Variants in SGCD observed in about 807,000 individuals in gnomAD.
SGCD encodes the protein sarcoglycan delta, also known as delta-sarcoglycan.
In SGCD, 18 loss-of-function variants were observed where a neutral mutation model predicts 36.6. That is an observed-to-expected ratio of 0.49 (90% CI 0.34 to 0.73). The LOEUF (loss-of-function observed/expected upper bound fraction) is 0.73. Among genes scored for constraint, SGCD ranks in the 30% least tolerant of loss-of-function variants. SGCD has a pLI of 0.01. For synonymous variants in SGCD, 133 were observed against 130.6 expected (o/e 1.02, Z -0.12); for missense variants, 387 against 346.7 (o/e 1.12, Z -0.92).
At chr5:155,995,190 G>T (rs766625724) in intron 1 of SGCD, among the ~76,000 whole-genome samples, 9 of 152,136 alleles carry the variant, frequency 5.9e-5, no homozygotes, top group Non-Finnish European at 7.3e-5. Context: ...CATAAAAAAG[G>T]ACTTAAAAAT....
In SGCD at chr5:156,396,779, C is replaced by A. The variant is rs77140150; in HGVS notation, c.192+52102C>A. Among the ~76,000 whole-genome samples, 863 of 152,288 alleles carry A rather than the reference C, an allele frequency of 5.7e-3. 10 individuals are homozygous for A. Among genetic ancestry groups the A allele is most frequent in the African/African-American group, 0.019 (802 of 41,552 alleles). On this transcript the variant is annotated intron_variant, in intron 3 of 8. Transcript: ENST00000337851. ...TATGGCAGGCCTGCTAAATGCTGAC[C>A]ATGCACTGTTTCACTGAACCTTCAC...
At chr5:156,237,207 C>T (rs1765188584) in intron 3 of SGCD, among the ~76,000 whole-genome samples, 1 of 152,150 alleles carries the variant, frequency 6.6e-6, no homozygotes, top group African/African-American at 2.4e-5. Flanking sequence ...AAAAGTAGCA[C>T]TTGAATTGTC....
At chr5:155,837,853 C>T in the SGCD span, among the ~76,000 whole-genome samples, 3 of 152,308 alleles carry the variant, frequency 2.0e-5, no homozygotes, top group South Asian at 4.1e-4. Context: ...TGCCTTTTAA[C>T]GAGCTTTCAT....
intron 3 of SGCD, among the ~76,000 whole-genome samples, chr5:156,306,830 G>T (rs958265864): frequency 2.0e-5 from 3 of 152,042 alleles, no homozygotes; most frequent in African/African-American, 7.2e-5. Flanking sequence ...ATCTTGCTCT[G>T]TCTCCTTTCC....
rs558749420 is a variant in SGCD at position 156,068,935 on chromosome 5, C to G, written c.-281-48943C>G. Among the ~76,000 whole-genome samples the G allele has an allele frequency of 4.6e-5, 7 of 152,164 alleles. No homozygotes were observed. The South Asian group carries it at 6.2e-4, about 14-fold the overall frequency. On this transcript the variant is annotated intron_variant, in intron 1 of 9. Transcript: ENST00000517913. ...GTAAATGTCTTCTTTTGAGGAGTGTCTGTTCATGTCCTTTGCCCACTTTTT... is the reference window on the plus strand; with the variant it reads ...GTAAATGTCTTCTTTTGAGGAGTGTGTGTTCATGTCCTTTGCCCACTTTTT...
chr5:156,628,148 C>G (rs577434469), intron 6 of SGCD, among the ~76,000 whole-genome samples: 56 of 152,178 alleles, frequency 3.7e-4, no homozygotes, highest in African/African-American at 1.3e-3. Context: ...GTGCCACACA[C>G]TTTTAAATGA....
At chr5:156,556,131 A>AC (rs1258647395) in intron 4 of SGCD, among the ~76,000 whole-genome samples, 1 of 151,776 alleles carries the variant, frequency 6.6e-6, no homozygotes, top group Non-Finnish European at 1.5e-5. Flanking sequence ...AAAAAAAAAA[A>AC]AAAACCCAGG....
chr5:156,510,412 T>C (rs1756879901), intron 4 of SGCD, among the ~76,000 whole-genome samples: 2 of 152,180 alleles, frequency 1.3e-5, no homozygotes, highest in Non-Finnish European at 2.9e-5. Context: ...TTGCTCTTAA[T>C]TTATATCTTG....
chr5:156,229,255 TAC>T (rs1764934835), intron 3 of SGCD, among the ~76,000 whole-genome samples: 2 of 97,792 alleles, frequency 2.0e-5, no homozygotes, highest in African/African-American at 8.0e-5. Context: ...TATATATACA[TAC>T]ATACATATAT....
At chr5:155,788,916 C>A in the SGCD span, among the ~76,000 whole-genome samples, 267 of 152,144 alleles carry the variant, frequency 1.8e-3, 1 homozygote, top group East Asian at 9.5e-3. Flanking sequence ...AGACATAAAA[C>A]GGTCAAAATA....
intron 7 of SGCD, among the ~76,000 whole-genome samples, chr5:156,653,204 G>T (rs979529292): frequency 1.3e-5 from 2 of 152,004 alleles, no homozygotes; most frequent in Non-Finnish European, 2.9e-5. Flanking sequence ...GTAGAATTTG[G>T]CTGTGAATCC....
At chr5:155,808,783 T>G in the SGCD span, among the ~76,000 whole-genome samples, 2 of 152,176 alleles carry the variant, frequency 1.3e-5, no homozygotes, top group East Asian at 1.9e-4. Context: ...ATAGAAAAAT[T>G]TATTGAGTGC....
In SGCD at chr5:156,760,917, C is replaced by T. The variant is rs284445; in HGVS notation, c.*1527C>T. On this transcript the variant is annotated 3_prime_UTR_variant, in exon 9 of 9. Transcript: ENST00000337851. ...ACTGGACATCTTAAAAGCTGATAGA[C>T]AAGCCAAATGGCTGGCAGATGATGT... The T allele has an allele frequency of 0.26, 40,121 of 152,480 alleles. 6,603 individuals are homozygous for T. Among genetic ancestry groups the T allele is most frequent in the Non-Finnish European group, 0.37 (25,349 of 68,016 alleles). The allele number at this position is 152,480 out of a possible 1,614,324, so 9.4% of individuals were successfully genotyped here. A position where few individuals can be genotyped will look rare whatever the true frequency, so the allele number is the denominator to read the frequency against.
At chr5:156,435,214 G>A (rs1580988782) in intron 3 of SGCD, among the ~76,000 whole-genome samples, 1 of 152,154 alleles carries the variant, frequency 6.6e-6, no homozygotes. Flanking sequence ...AAGAAAATGA[G>A]GCACAGAAAG....
intron 1 of SGCD, among the ~76,000 whole-genome samples, chr5:155,985,252 C>T (rs1235784384): frequency 1.3e-5 from 2 of 152,136 alleles, no homozygotes; most frequent in African/African-American, 4.8e-5. Context: ...GCTGGCAGGC[C>T]TAGGCTCTCA....
At chr5:156,237,654 A>G (rs753733612) in intron 3 of SGCD, among the ~76,000 whole-genome samples, 99 of 152,236 alleles carry the variant, frequency 6.5e-4, no homozygotes, top group Admixed American at 4.5e-3. Context: ...AAAGCGGGAC[A>G]CTTTCAGAAG....
the SGCD span, among the ~76,000 whole-genome samples, chr5:155,763,509 G>A: frequency 3.3e-3 from 497 of 152,250 alleles, 2 homozygotes; most frequent in Non-Finnish European, 4.6e-3. Flanking sequence ...TCCTCTCTCA[G>A]GGTCAGAGTT....
At chr5:156,404,558 A>T (rs1772315566) in intron 3 of SGCD, among the ~76,000 whole-genome samples, 1 of 151,932 alleles carries the variant, frequency 6.6e-6, no homozygotes, top group Admixed American at 6.6e-5. Flanking sequence ...CTTCCCTCCT[A>T]CCTTTTAAAT....
At chr5:156,122,954 A>G (rs900251281) in intron 2 of SGCD, among the ~76,000 whole-genome samples, 2 of 148,184 alleles carry the variant, frequency 1.3e-5, no homozygotes, top group Non-Finnish European at 3.0e-5. Context: ...AATGTGAGGT[A>G]TATAGGCAAG....
Sources: allele counts gnomAD v4.1 joint callset (sites outside exome capture counted in the v4.1 genomes callset), GRCh38; gene constraint gnomAD v4.1.1; transcripts MANE v1.5; gene names NCBI Gene and HGNC (gene_info 2026-07-23, HGNC 2026-07-21).